Variants in RGL1 observed in about 807,000 individuals in gnomAD.
The protein encoded by RGL1 is ral guanine nucleotide dissociation stimulator like 1.
Under a neutral mutation model 95.2 loss-of-function variants are expected in RGL1, and 24 were observed. The observed-to-expected ratio is 0.25, with a 90% CI of 0.18 to 0.35. The LOEUF (loss-of-function observed/expected upper bound fraction) is 0.35. RGL1 is among the 10% of genes least tolerant of loss of function. RGL1 has a pLI of 1.00. For missense variants in RGL1, 715 were observed against 936.3 expected (o/e 0.76, Z 3.08); for synonymous variants, 329 against 344.9 (o/e 0.95, Z 0.51).
At chr1:183,923,161 T>A (rs1435894435) in intron 17 of RGL1, among the ~76,000 whole-genome samples, 1 of 152,144 alleles carries the variant, frequency 6.6e-6, no homozygotes, top group Non-Finnish European at 1.5e-5. Flanking sequence ...CCCCAAACTG[T>A]CCATTGCAGC....
chr1:183,790,540 A>T (rs1331908750), intron 2 of RGL1, among the ~76,000 whole-genome samples: 2 of 152,186 alleles, frequency 1.3e-5, no homozygotes, highest in Non-Finnish European at 2.9e-5. Context: ...TTAGTTGGGT[A>T]TGTATGACAA....
intron 1 of RGL1, among the ~76,000 whole-genome samples, chr1:183,690,617 C>T (rs1404833300): frequency 1.3e-5 from 2 of 151,904 alleles, no homozygotes; most frequent in African/African-American, 2.4e-5. Context: ...AGAGAAACTA[C>T]TGAACTAAAA....
intron 1 of RGL1, among the ~76,000 whole-genome samples, chr1:183,645,016 C>T (rs1254118834): frequency 6.6e-6 from 1 of 152,146 alleles, no homozygotes; most frequent in African/African-American, 2.4e-5. Flanking sequence ...TTTGTGCATA[C>T]CCCATCCACC....
chr1:183,861,977 AAAG>A (rs1481347382), intron 3 of RGL1, among the ~76,000 whole-genome samples: 7 of 152,210 alleles, frequency 4.6e-5, no homozygotes, highest in Non-Finnish European at 1.0e-4. Context: ...CTGAACATTT[AAAG>A]AGTTCTGGAT....
At chr1:183,906,875 A>G (rs1668360913) in intron 13 of RGL1, 137 bp from the exon 14 acceptor site, 2 of 640,974 alleles carry the variant, frequency 3.1e-6, no homozygotes, top group Admixed American at 2.4e-5. Context: ...GACGTTTATG[A>G]TAGGACAACG....
At chr1:183,877,955 C>G (rs1054058446) in intron 4 of RGL1, among the ~76,000 whole-genome samples, 1 of 152,160 alleles carries the variant, frequency 6.6e-6, no homozygotes, top group African/African-American at 2.4e-5. Context: ...CCCACACGAG[C>G]ATGCAGAGAT....
intron 1 of RGL1, among the ~76,000 whole-genome samples, chr1:183,740,041 A>G (rs1657194307): frequency 6.6e-6 from 1 of 152,192 alleles, no homozygotes; most frequent in Non-Finnish European, 1.5e-5. Context: ...CATTTTATGT[A>G]GTTTTCCTAC....
At chr1:183,676,633 G>A (rs75281768) in intron 1 of RGL1, among the ~76,000 whole-genome samples, 12,160 of 149,962 alleles carry the variant, frequency 0.081, 904 homozygotes, top group African/African-American at 0.2. Context: ...GCACTTCACT[G>A]CATTTTAATG....
At chr1:183,858,360 A>G (rs1341908615) in intron 3 of RGL1, among the ~76,000 whole-genome samples, 1 of 152,156 alleles carries the variant, frequency 6.6e-6, no homozygotes, top group Non-Finnish European at 1.5e-5. Context: ...AAATTTAGGG[A>G]CTTCCCAGAC....
At chr1:183,787,973 G>A (rs1322021292) in intron 2 of RGL1, among the ~76,000 whole-genome samples, 1 of 152,062 alleles carries the variant, frequency 6.6e-6, no homozygotes, top group Non-Finnish European at 1.5e-5. Context: ...TGCATCTGCA[G>A]AGCCATGAGT....
intron 2 of RGL1, among the ~76,000 whole-genome samples, chr1:183,831,573 G>A (rs1231636543): frequency 6.6e-6 from 1 of 152,190 alleles, no homozygotes; most frequent in Non-Finnish European, 1.5e-5. Context: ...TAGCAGTCCA[G>A]CTGAGAGGTG....
At chr1:183,778,710 G>A (rs559464421) in intron 2 of RGL1, among the ~76,000 whole-genome samples, 2 of 152,292 alleles carry the variant, frequency 1.3e-5, no homozygotes, top group Admixed American at 1.3e-4. Context: ...CTGATTTGAT[G>A]TATGTCATCT....
At chr1:183,764,487 C>T (rs1486917075) in intron 2 of RGL1, among the ~76,000 whole-genome samples, 2 of 152,102 alleles carry the variant, frequency 1.3e-5, no homozygotes, top group Non-Finnish European at 2.9e-5. Flanking sequence ...TAATGGTTTC[C>T]TGAGAAAGGA....
intron 1 of RGL1, among the ~76,000 whole-genome samples, chr1:183,734,033 T>C (rs963861332): frequency 2.0e-5 from 3 of 152,228 alleles, no homozygotes; most frequent in African/African-American, 7.2e-5. Flanking sequence ...ATTAAATAGA[T>C]TCAATTTCTG....
chr1:183,715,746 A>G (rs1334978241), intron 1 of RGL1, among the ~76,000 whole-genome samples: 1 of 151,072 alleles, frequency 6.6e-6, no homozygotes, highest in African/African-American at 2.4e-5. Flanking sequence ...GTATCTTTCT[A>G]TAACTATACA....
At chr1:183,846,493 C>A (rs190603211) in intron 2 of RGL1, among the ~76,000 whole-genome samples, 3 of 151,460 alleles carry the variant, frequency 2.0e-5, no homozygotes, top group East Asian at 3.9e-4. Flanking sequence ...ATGTGTATAC[C>A]TATGTAACAA....
intron 1 of RGL1, chr1:183,710,214 A>G: frequency 5.0e-6 from 1 of 199,810 alleles, no homozygotes. Flanking sequence ...TTCGATGCAC[A>G]CTCTTACCAG....
intron 17 of RGL1, among the ~76,000 whole-genome samples, chr1:183,925,097 G>A (rs1272689638): frequency 6.6e-6 from 1 of 152,140 alleles, no homozygotes; most frequent in Non-Finnish European, 1.5e-5. Context: ...GTCTAGTTGG[G>A]AATCATTGAA....
chr1:183,660,706 A>G (rs1651554132), intron 1 of RGL1, among the ~76,000 whole-genome samples: 1 of 151,928 alleles, frequency 6.6e-6, no homozygotes, highest in Non-Finnish European at 1.5e-5. Context: ...CACCAAGCAG[A>G]CCTAATAGAC....
Sources: gnomAD v4.1 joint callset for allele counts (sites outside exome capture counted in the v4.1 genomes callset) on GRCh38, gnomAD v4.1.1 for gene constraint, MANE v1.5 for transcripts, NCBI Gene and HGNC (gene_info 2026-07-23, HGNC 2026-07-21) for gene names.